Variants in BCAS3 observed in about 807,000 individuals in gnomAD.
BCAS3 encodes the protein BCAS4/BCAS3 fusion.
In BCAS3, 53 loss-of-function variants were observed where a neutral mutation model predicts 116.1. The ratio of observed to expected loss-of-function variants is 0.46; its 90% CI spans 0.37 to 0.57. The LOEUF (loss-of-function observed/expected upper bound fraction) is 0.57, where lower values mean the gene tolerates loss of function less well. Among genes scored for constraint, BCAS3 ranks in the 20% least tolerant of loss-of-function variants. BCAS3 has a pLI of 0.00. For missense variants in BCAS3, 917 were observed against 1,165.4 expected, an observed-to-expected ratio of 0.79 and a Z score of 3.10; for synonymous variants, 391 against 408.2, an observed-to-expected ratio of 0.96 and a Z score of 0.51.
chr17:61,020,261 A>T lies in BCAS3; in HGVS notation c.1637+4360A>T, dbSNP rs1568138105. Among the ~76,000 whole-genome samples the T allele has an allele frequency of 6.6e-6, 1 of 152,216 alleles. No homozygotes were observed. Among genetic ancestry groups the T allele is most frequent in the African/African-American group, 2.4e-5 (1 of 41,450 alleles). ...TCTGCCTTCTTATGTTTGCAAATAC[A>T]TATGCCTGAAAGCCTGTGCAGTGTC... On this transcript the variant is annotated intron_variant, in intron 16 of 23. Coordinates refer to ENST00000407086, the MANE Select transcript of BCAS3 (RefSeq NM_017679.5). The surrounding 1 kb of genome is among the most constrained non-coding windows in gnomAD (Gnocchi z 4.5).
intron 22 of BCAS3, among the ~76,000 whole-genome samples, chr17:61,275,351 A>G (rs1169182353): frequency 6.6e-6 from 1 of 152,228 alleles, no homozygotes; most frequent in Non-Finnish European, 1.5e-5. Context: ...AGGATTCATT[A>G]TAGGGATTAG....
chr17:61,225,512 A>G (rs1248646003), intron 22 of BCAS3, among the ~76,000 whole-genome samples: 1 of 152,200 alleles, frequency 6.6e-6, no homozygotes, highest in Non-Finnish European at 1.5e-5. Flanking sequence ...TCACAAAATC[A>G]TAAGGCCTTT....
At chr17:60,912,692 C>G (rs1355688762) in intron 12 of BCAS3, among the ~76,000 whole-genome samples, 1 of 152,008 alleles carries the variant, frequency 6.6e-6, no homozygotes, top group Admixed American at 6.6e-5. Flanking sequence ...CAAATGTTCT[C>G]TTTTTTAATT....
In BCAS3 at chr17:61,241,392, A is replaced by C. The variant is rs187837831; in HGVS notation, c.2426-126935A>C. Among the ~76,000 whole-genome samples the C allele has an allele frequency of 4.2e-4, 64 of 152,116 alleles. No individual in the cohort carries two copies. In the Middle Eastern group the frequency reaches 0.014, roughly 32 times the overall value. On this transcript the variant is annotated intron_variant, in intron 22 of 23. Transcript: ENST00000407086. This position sits in a 1 kb window ranked among gnomAD's most constrained non-coding sequence, Gnocchi z 4.6. ...CAACTGTTTATGCTAATGATGAAAG[A>C]GAAGTCAAAGTAAATAAGCTTAATA...
rs1000469009 is a variant in BCAS3 at position 61,203,220 on chromosome 17, C to T, written c.2425+118656C>T. On this transcript the variant is annotated intron_variant, in intron 22 of 23. Coordinates refer to ENST00000407086, the MANE Select transcript of BCAS3 (RefSeq NM_017679.5). The surrounding 1 kb of genome is among the most constrained non-coding windows in gnomAD (Gnocchi z 5.7). ...TCACTCAGGCTGGAGTACAATGGCA[C>T]GATCTTGGCTCACTGCAGCCTCTAC... 2.6e-5 allele frequency among the ~76,000 whole-genome samples: 4 copies of T among 152,078 alleles called. No homozygotes were observed. Among genetic ancestry groups the T allele is most frequent in the African/African-American group, 7.2e-5 (3 of 41,380 alleles).
intron 6 of BCAS3, among the ~76,000 whole-genome samples, chr17:60,782,746 C>T (rs1183758675): frequency 1.3e-5 from 2 of 151,742 alleles, no homozygotes; most frequent in Non-Finnish European, 2.9e-5. Context: ...CCACCGCACA[C>T]AGCTAATTTT....
intron 23 of BCAS3, among the ~76,000 whole-genome samples, chr17:61,374,201 T>TC (rs2059215791): frequency 1.3e-5 from 2 of 149,356 alleles, no homozygotes; most frequent in Admixed American, 6.6e-5. Flanking sequence ...TTTTTTTTTT[T>TC]TCTCTGTCAC....
Position 60,770,841 on chromosome 17 carries a change from T to G in BCAS3, c.403+23562T>G, listed in dbSNP as rs1312843974. ...AACCTAAAACTGAAATTTGTTTTTT[T>G]TTTTTTTTTTTTTTTTTTTTTTTTG... On this transcript the variant is annotated intron_variant, in intron 6 of 23. Coordinates refer to ENST00000407086, the MANE Select transcript of BCAS3 (RefSeq NM_017679.5). Among the ~76,000 whole-genome samples the G allele has an allele frequency of 4.2e-4, 29 of 69,658 alleles. No individual in the cohort carries two copies. In the African/African-American group the frequency reaches 9.9e-3, roughly 24 times the overall value. The allele number at this position is 69,658 out of a possible 152,430, so 45.7% of individuals were successfully genotyped here.
chr17:60,802,352 A>G (rs1325521269), intron 6 of BCAS3, among the ~76,000 whole-genome samples: 1 of 132,552 alleles, frequency 7.5e-6, no homozygotes, highest in Non-Finnish European at 1.5e-5. Context: ...ACAAATACAC[A>G]CACATACATA....
rs1220128335 is a variant in BCAS3 at position 61,156,372 on chromosome 17, T to C, written c.2425+71808T>C. On this transcript the variant is annotated intron_variant, in intron 22 of 23. Transcript: ENST00000407086. This position sits in a 1 kb window ranked among gnomAD's most constrained non-coding sequence, Gnocchi z 4.7. The stretch of plus-strand genomic sequence containing the variant: ...CTGAGTTCGGGAGAAAGGTGGACTT[T>C]TGTTTTATCTTGTTTCTTTTGGGGG... 6.6e-6 allele frequency among the ~76,000 whole-genome samples: 1 copy of C among 152,148 alleles called. No individual in the cohort carries two copies. The highest frequency in any genetic ancestry group is 2.4e-5 in the African/African-American group (1 of 41,438).
intron 14 of BCAS3, among the ~76,000 whole-genome samples, chr17:60,988,432 C>T (rs367616440): frequency 1.4e-4 from 20 of 147,998 alleles, no homozygotes; most frequent in African/African-American, 4.2e-4. Flanking sequence ...TTCCTTCCTC[C>T]TCTATTCTTC....
chr17:60,971,550 T>TG lies in BCAS3; in HGVS notation c.1222-18417dup, dbSNP rs2061962014. Among the ~76,000 whole-genome samples the TG allele has an allele frequency of 2.0e-5, 3 of 152,298 alleles. No individual in the cohort carries two copies. The South Asian group carries it at 6.2e-4, about 32-fold the overall frequency. On this transcript the variant is annotated intron_variant, in intron 14 of 23. Coordinates refer to ENST00000407086, the MANE Select transcript of BCAS3 (RefSeq NM_017679.5). ...ATTTCAATCAGCCTTCCAGAGTTGT[T>TG]GGGGTTATACAGCTATCAAGGCCCA... is the stretch of plus-strand genomic sequence containing the variant.
At chr17:61,066,344 G>C (rs1011465637) in intron 19 of BCAS3, among the ~76,000 whole-genome samples, 3 of 152,128 alleles carry the variant, frequency 2.0e-5, no homozygotes, top group Admixed American at 2.0e-4. Flanking sequence ...AGCACTGCTC[G>C]ATGTTCATTA....
At chr17:60,771,212 T>A (rs2044670709) in intron 6 of BCAS3, among the ~76,000 whole-genome samples, 1 of 152,172 alleles carries the variant, frequency 6.6e-6, no homozygotes. Context: ...CCACATCACA[T>A]GATGTAAAAA....
At chr17:60,704,004 C>T (rs2036790277) in intron 4 of BCAS3, among the ~76,000 whole-genome samples, 1 of 150,382 alleles carries the variant, frequency 6.6e-6, no homozygotes, top group African/African-American at 2.5e-5. Context: ...CATTATATGA[C>T]AACTTAAAGC....
intron 14 of BCAS3, among the ~76,000 whole-genome samples, chr17:60,975,380 C>T (rs1451673308): frequency 1.3e-5 from 2 of 152,232 alleles, no homozygotes; most frequent in Non-Finnish European, 2.9e-5. Context: ...TTAGGCTTCT[C>T]AGCAGCTGCT....
intron 10 of BCAS3, chr17:60,899,870 C>CT (rs1207081061): frequency 1.3e-5 from 2 of 151,974 alleles, no homozygotes; most frequent in Non-Finnish European, 2.9e-5. Flanking sequence ...TGCCAAAAAC[C>CT]AGGTTTGAAA....
chr17:60,689,781 TG>T lies in BCAS3; in HGVS notation c.214+23del. 1 of 1,522,270 alleles carries T rather than the reference TG, an allele frequency of 6.6e-7. No individual in the cohort carries two copies. Among genetic ancestry groups the T allele is most frequent in the Non-Finnish European group, 9.1e-7 (1 of 1,099,224 alleles). The allele number at this position is 1,522,270 out of a possible 1,614,324, so 94.3% of individuals were successfully genotyped here. ...TAAATGGTATGGTTTTAACTTTTTT[TG>T]GGACGTGTGAATTAATTGTTTGTTT... On this transcript the variant is annotated intron_variant, in intron 4 of 23. Coordinates refer to ENST00000407086, the MANE Select transcript of BCAS3 (RefSeq NM_017679.5).
rs2075929143 is a variant in BCAS3 at position 61,124,031 on chromosome 17, T to G, written c.2425+39467T>G. Among the ~76,000 whole-genome samples, 1 of 152,136 alleles carries G rather than the reference T, an allele frequency of 6.6e-6. No homozygotes were observed. Among genetic ancestry groups the G allele is most frequent in the African/African-American group, 2.4e-5 (1 of 41,434 alleles). ...TTTTATGTGCTTATACTACATGGTT[T>G]TCAGCTATCAAATGTTATTTCAAAC... is the stretch of plus-strand genomic sequence containing the variant. On this transcript the variant is annotated intron_variant, in intron 22 of 23. Transcript: ENST00000407086. This position sits in a 1 kb window ranked among gnomAD's most constrained non-coding sequence, Gnocchi z 4.6.
Sources: allele counts gnomAD v4.1 joint callset (sites outside exome capture counted in the v4.1 genomes callset), GRCh38; gene constraint gnomAD v4.1.1; non-coding constraint Gnocchi (gnomAD v3.1); transcripts MANE v1.5; gene names NCBI Gene and HGNC (gene_info 2026-07-23, HGNC 2026-07-21).